The following CHERP variants were observed in gnomAD, a reference collection of about 807,000 sequenced individuals.
The protein encoded by CHERP is calcium homeostasis endoplasmic reticulum protein, also known as ERPROT 213-21.
Under a neutral mutation model 113.8 loss-of-function variants are expected in CHERP, and 8 were observed. The observed-to-expected ratio is 0.07, with a 90% CI of 0.04 to 0.13. The LOEUF (loss-of-function observed/expected upper bound fraction) is 0.13. Among genes scored for constraint, CHERP ranks in the 10% least tolerant of loss-of-function variants. The pLI is 1.00. For synonymous variants in CHERP, 559 were observed against 524.5 expected (o/e 1.07, Z -0.90); for missense variants, 884 against 1,298.2 (o/e 0.68, Z 4.90).
At position 16,523,309 on chromosome 19, in the gene CHERP, C is replaced by A. The variant is rs1249260617; in HGVS notation, c.1742-19G>T. ...CCCATTTCTGCAAAACAGAGACTTGCCTCAGGACCACAGGCCAGTCAGGAT... is the reference window on the plus strand; with the variant it reads ...CCCATTTCTGCAAAACAGAGACTTGACTCAGGACCACAGGCCAGTCAGGAT... On this transcript the variant is annotated intron_variant, in intron 10 of 16. Transcript: ENST00000546361. The surrounding 1 kb of genome is among the most constrained non-coding windows in gnomAD (Gnocchi z 4.0). 2 of 1,601,716 alleles carry A rather than the reference C, an allele frequency of 1.2e-6. No homozygotes were observed. Among genetic ancestry groups the A allele is most frequent in the South Asian group, 1.1e-5 (1 of 90,200 alleles).
At position 16,532,538 on chromosome 19, in the gene CHERP, A is replaced by T. The variant is rs879687799; in HGVS notation, c.674+60T>A. On this transcript the variant is annotated intron_variant, in intron 5 of 16. Coordinates refer to ENST00000546361, the MANE Select transcript of CHERP (RefSeq NM_006387.6). The surrounding 1 kb of genome is among the most constrained non-coding windows in gnomAD (Gnocchi z 4.4). ...TACCGACCGGAGCAAGCGGCCACCC[A>T]GGAGGGTTGAGGAGGAGCGCGAGGA... The T allele has an allele frequency of 6.0e-5, 90 of 1,501,264 alleles. No individual in the cohort carries two copies. The African/African-American group carries it at 1.0e-3, about 17-fold the overall frequency. 93.0% of individuals were successfully genotyped at this position (1,501,264 alleles called of 1,614,324 possible).
intron 11 of CHERP, among the ~76,000 whole-genome samples, chr19:16,522,420 G>C (rs1200437073): frequency 6.6e-6 from 1 of 152,202 alleles, no homozygotes; most frequent in Non-Finnish European, 1.5e-5. Context: ...CACCACGCCT[G>C]GCTAATTTTT....
intron 2 of CHERP, 178 bp downstream of exon 2, chr19:16,541,692 C>G: frequency 1.6e-6 from 1 of 625,974 alleles, no homozygotes; most frequent in Non-Finnish European, 2.7e-6. Context: ...ATTACAGTGG[C>G]ACCCAGCAGC....
rs1456954851 is a variant in CHERP, at chr19:16,523,954, G to A, written c.1742-664C>T. On this transcript the variant is annotated intron_variant, in intron 10 of 16. Transcript: ENST00000546361. This position sits in a 1 kb window ranked among gnomAD's most constrained non-coding sequence, Gnocchi z 4.0. ...TCAAGCTGCATTTATAATCAGAAAT[G>A]TATTTAAAGAGAGAAGGCTGGGCAT... Among the ~76,000 whole-genome samples, 1 of 152,202 alleles carries A rather than the reference G, an allele frequency of 6.6e-6. No individual in the cohort carries two copies. The highest frequency in any genetic ancestry group is 1.5e-5 in the Non-Finnish European group (1 of 68,036).
chr19:16,529,633 G>A lies in CHERP; in HGVS notation c.1129+15C>T. The A allele has an allele frequency of 1.3e-6, 2 of 1,536,058 alleles. No individual in the cohort carries two copies. The highest frequency in any genetic ancestry group is 8.7e-7 in the Non-Finnish European group (1 of 1,144,224). On this transcript the variant is annotated intron_variant, in intron 8 of 16. Coordinates refer to ENST00000546361, the MANE Select transcript of CHERP (RefSeq NM_006387.6). ...CTGTTTCCTGGGGGCAGGCTGAGCT[G>A]AGGGAGCCCCGTACCAGGCTGGGTG... is the stretch of plus-strand genomic sequence containing the variant.
At position 16,520,714 on chromosome 19, in the gene CHERP, T is replaced by C. The variant is rs1599745483; in HGVS notation, c.2201+112A>G. The C allele has an allele frequency of 6.6e-6, 8 of 1,221,154 alleles. No homozygotes were observed. Among genetic ancestry groups the C allele is most frequent in the South Asian group, 3.6e-5 (3 of 82,194 alleles). The allele number at this position is 1,221,154 out of a possible 1,614,324, so 75.6% of individuals were successfully genotyped here. On this transcript the variant is annotated intron_variant, in intron 13 of 16. Coordinates refer to ENST00000546361, the MANE Select transcript of CHERP (RefSeq NM_006387.6). The surrounding 1 kb of genome is among the most constrained non-coding windows in gnomAD (Gnocchi z 4.0). ...AGGCCTTGTGGAAAACACCGCCCCA[T>C]AGGCACAGGCTGTGTGAGGGTGGAC...
intron 12 of CHERP, 35 bp downstream of exon 12, chr19:16,521,486 G>A (rs1254187347): frequency 6.6e-7 from 1 of 1,516,646 alleles, no homozygotes; most frequent in Non-Finnish European, 8.8e-7. Flanking sequence ...GGGGACAGAG[G>A]CCTCCCGCCC....
At chr19:16,524,104 G>T (rs1361451177) in intron 10 of CHERP, among the ~76,000 whole-genome samples, 1 of 151,552 alleles carries the variant, frequency 6.6e-6, no homozygotes, top group Non-Finnish European at 1.5e-5. Flanking sequence ...ACAAAAATTA[G>T]CTGGGCATAG....
In CHERP at chr19:16,519,456, T is replaced by A; in HGVS notation, c.2558-104A>T. 7.4e-7 allele frequency: 1 copy of A among 1,345,698 alleles called. No homozygotes were observed. The allele number at this position is 1,345,698 out of a possible 1,614,324, so 83.4% of individuals were successfully genotyped here. A position where few individuals can be genotyped will look rare whatever the true frequency, so the allele number is the denominator to read the frequency against. On this transcript the variant is annotated intron_variant, in intron 16 of 16. Transcript: ENST00000546361. The surrounding 1 kb of genome is among the most constrained non-coding windows in gnomAD (Gnocchi z 6.0). ...AGGCAGTGTAGACATGGGAAATGGGTAGAGAGAACCCGCAGGCCGGCCCTG... is the reference window on the plus strand; with the variant it reads ...AGGCAGTGTAGACATGGGAAATGGGAAGAGAGAACCCGCAGGCCGGCCCTG...
Position 16,530,487 on chromosome 19 carries a change from G to C in CHERP, c.876+98C>G, listed in dbSNP as rs935731839. 9.0e-7 allele frequency: 1 copy of C among 1,106,700 alleles called. No individual in the cohort carries two copies. The highest frequency in any genetic ancestry group is 1.5e-5 in the African/African-American group (1 of 64,990). 68.6% of individuals were successfully genotyped at this position (1,106,700 alleles called of 1,614,324 possible). On this transcript the variant is annotated intron_variant, in intron 7 of 16. Transcript: ENST00000546361. The surrounding 1 kb of genome is among the most constrained non-coding windows in gnomAD (Gnocchi z 4.1). ...CACAGGCAGGGGACATGGGCTCTCTGGCTGCTGGGGTGGCAGCTGCTGTCC... is the reference window on the plus strand; with the variant it reads ...CACAGGCAGGGGACATGGGCTCTCTCGCTGCTGGGGTGGCAGCTGCTGTCC...
At chr19:16,528,830 G>A (rs2085674648) in intron 8 of CHERP, among the ~76,000 whole-genome samples, 1 of 152,200 alleles carries the variant, frequency 6.6e-6, no homozygotes, top group Admixed American at 6.5e-5. Flanking sequence ...GCGTGCGCCT[G>A]TAGTCCTAGC....
intron 5 of CHERP, 151 bp from the exon 6 acceptor site, chr19:16,531,031 C>T: frequency 3.8e-6 from 5 of 1,300,006 alleles, no homozygotes; most frequent in Non-Finnish European, 5.2e-6. Flanking sequence ...TCCCACGAGA[C>T]CTGTGCTGGT....
At chr19:16,542,071 G>A in intron 1 of CHERP, 28 bp from the exon 2 acceptor site, 1 of 1,594,466 alleles carries the variant, frequency 6.3e-7, no homozygotes, top group South Asian at 1.1e-5. Flanking sequence ...GGCCACGCGG[G>A]GCGTCAGCGA....
At position 16,520,227 on chromosome 19, in the gene CHERP, CG is replaced by C; in HGVS notation, c.2383del (p.Arg795GlyfsTer56). On this transcript the variant is annotated frameshift_variant, in exon 15 of 17. Transcript: ENST00000546361. LOFTEE classifies it high-confidence loss of function. This position sits in a 1 kb window ranked among gnomAD's most constrained non-coding sequence, Gnocchi z 4.0. ...CTTGGACCGGGACCGCGACTGGGAC[CG>C]GGAGCGGCTTCTGGAGGAGCGCGAC... Reference protein sequence around the residue: ...SRSRSSRSRSRSQSRSRSKSY... With the variant: ...SRSRSSRSRSXSQSRSRSKSY... 6.2e-7 allele frequency: 1 copy of C among 1,613,394 alleles called. No individual in the cohort carries two copies. Among genetic ancestry groups the C allele is most frequent in the Non-Finnish European group, 8.5e-7 (1 of 1,180,022 alleles).
intron 9 of CHERP, among the ~76,000 whole-genome samples, chr19:16,526,505 T>C (rs1479453176): frequency 6.6e-6 from 1 of 152,256 alleles, no homozygotes; most frequent in Non-Finnish European, 1.5e-5. Context: ...TCTCGCTCTG[T>C]TGCCCAGGCT....
At position 16,520,730 on chromosome 19, in the gene CHERP, G is replaced by C; in HGVS notation, c.2201+96C>G. On this transcript the variant is annotated intron_variant, in intron 13 of 16. Transcript: ENST00000546361. The surrounding 1 kb of genome is among the most constrained non-coding windows in gnomAD (Gnocchi z 4.0). ...ACCGCCCCATAGGCACAGGCTGTGT[G>C]AGGGTGGACGTGATGAGTGTATCTG... The C allele has an allele frequency of 7.7e-7, 1 of 1,291,874 alleles. No individual in the cohort carries two copies. Among genetic ancestry groups the C allele is most frequent in the Non-Finnish European group, 1.1e-6 (1 of 895,392 alleles). 80.0% of individuals were successfully genotyped at this position (1,291,874 alleles called of 1,614,324 possible).
At position 16,519,276 on chromosome 19, in the gene CHERP, A is replaced by C. The variant is rs2085583115; in HGVS notation, c.2634T>G (p.Asp878Glu). The change falls in exon 17 of 17, where the codon GAT becomes GAG. Residue 878 changes from aspartate (D) to glutamate (E), a missense_variant. Transcript: ENST00000546361. The surrounding 1 kb of genome is among the most constrained non-coding windows in gnomAD (Gnocchi z 6.0). The stretch of plus-strand genomic sequence containing the variant: ...CCACGCCTTTATACTGGTCCCACTT[A>C]TCCCGGACGTCCCCGCCCTTGATGG... ...QDPIKGGDVR[D>E]KWDQYKGVGV... The C allele has an allele frequency of 6.2e-7, 1 of 1,613,900 alleles. No homozygotes were observed. Among genetic ancestry groups the C allele is most frequent in the Admixed American group, 1.7e-5 (1 of 60,000 alleles).
intron 12 of CHERP, 59 bp downstream of exon 12, chr19:16,521,462 A>T: frequency 6.9e-7 from 1 of 1,455,092 alleles, no homozygotes; most frequent in Admixed American, 2.5e-5. Context: ...GTGTGGTTGC[A>T]GGGAGCCGGG....
chr19:16,531,029 G>A, intron 5 of CHERP, 149 bp from the exon 6 acceptor site: 2 of 1,309,696 alleles, frequency 1.5e-6, no homozygotes, highest in Non-Finnish European at 2.1e-6. Context: ...GCTCCCACGA[G>A]ACCTGTGCTG....
Sources: gnomAD v4.1 joint callset for allele counts (sites outside exome capture counted in the v4.1 genomes callset) on GRCh38, gnomAD v4.1.1 for gene constraint, Gnocchi (gnomAD v3.1) non-coding constraint, MANE v1.5 for transcripts, NCBI Gene and HGNC (gene_info 2026-07-23, HGNC 2026-07-21) for gene names.